Variants in MPDZ observed in about 807,000 individuals in gnomAD.
MPDZ encodes the protein multiple PDZ domain crumbs cell polarity complex component, also known as multiple PDZ domain protein.
A neutral mutation model predicts 239.1 loss-of-function variants in MPDZ; 234 were observed. That is an observed-to-expected ratio of 0.98 (90% CI 0.88 to 1.09). The LOEUF is 1.09. Ranked by LOEUF, MPDZ falls within the 50% of genes least tolerant of loss-of-function variation. The pLI, the probability that MPDZ is intolerant of heterozygous loss-of-function variation, is 0.00. For missense variants in MPDZ, 3,175 were observed against 2,510.0 expected (o/e 1.26, Z -5.66); for synonymous variants, 1,048 against 881.3 (o/e 1.19, Z -3.35).
chr9:13,129,414 G>A (rs1318057329), intron 32 of MPDZ, among the ~76,000 whole-genome samples: 1 of 151,886 alleles, frequency 6.6e-6, no homozygotes, highest in Non-Finnish European at 1.5e-5. Context: ...AGTGAGCCAA[G>A]ATCACACCAC....
Position 13,247,679 on chromosome 9 carries a change from G to C in MPDZ, c.139C>G (p.Gln47Glu). 6.2e-7 allele frequency: 1 copy of C among 1,613,490 alleles called. No individual in the cohort carries two copies. The highest frequency in any genetic ancestry group is 2.2e-5 in the East Asian group (1 of 44,832). The change falls in exon 3 of 47, where the codon CAG becomes GAG. Residue 47 changes from glutamine (Q) to glutamate (E), a missense_variant. Physicochemically the swap from Gln to Glu is conservative, Grantham distance 29 (BLOSUM62 2). Coordinates refer to ENST00000319217, the MANE Select transcript of MPDZ (RefSeq NM_001378778.1). Reference sequence around the variant, plus strand: ...ACAGAAGTCTGAAGGCTCAGAATCTGACTGAAGAGAGGGCTCTGCAGGACT... The same window carrying C: ...ACAGAAGTCTGAAGGCTCAGAATCTCACTGAAGAGAGGGCTCTGCAGGACT... The part of the protein sequence containing the change: ...KSVLQSPLFS[Q>E]ILSLQTSVQQ...
At chr9:13,146,148 C>A (rs1274148185) in intron 26 of MPDZ, among the ~76,000 whole-genome samples, 3 of 152,000 alleles carry the variant, frequency 2.0e-5, no homozygotes, top group Non-Finnish European at 4.4e-5. Context: ...TATTACCTAA[C>A]AATAAACAAC....
chr9:13,248,301 T>G (rs893073786), intron 2 of MPDZ, among the ~76,000 whole-genome samples: 3 of 152,016 alleles, frequency 2.0e-5, no homozygotes, highest in Admixed American at 6.6e-5. Flanking sequence ...ACTGAATACT[T>G]TTTAATATTT....
Position 13,121,879 on chromosome 9 carries a change from C to G in MPDZ, c.5091G>C (p.Leu1697=), listed in dbSNP as rs2131611133. The change falls in exon 38 of 47, where the codon CTG becomes CTC. Residue 1697 remains leucine, a synonymous_variant. Transcript: ENST00000319217. ...GGCGCACTCTCTGTGGCGTCTGTCT[C>G]AGGACATTGATTGCTTCATCATGTG... The part of the protein sequence containing the change: ...KATHDEAINV[L]RQTPQRVRLT... The G allele has an allele frequency of 1.2e-6, 2 of 1,613,908 alleles. No homozygotes were observed. Among genetic ancestry groups the G allele is most frequent in the Non-Finnish European group, 1.7e-6 (2 of 1,179,846 alleles).
intron 3 of MPDZ, among the ~76,000 whole-genome samples, chr9:13,246,473 T>C (rs1311020910): frequency 6.6e-6 from 1 of 152,158 alleles, no homozygotes; most frequent in Non-Finnish European, 1.5e-5. Flanking sequence ...ATCAATCTTT[T>C]CAATAACTTG....
At chr9:13,170,899 A>G (rs1392765367) in intron 21 of MPDZ, among the ~76,000 whole-genome samples, 2 of 152,186 alleles carry the variant, frequency 1.3e-5, no homozygotes, top group Non-Finnish European at 2.9e-5. Flanking sequence ...GGTAATCTCC[A>G]CTAACCAGAT....
chr9:13,161,305 C>T (rs1235028330), intron 23 of MPDZ, among the ~76,000 whole-genome samples: 1 of 152,054 alleles, frequency 6.6e-6, no homozygotes, highest in Non-Finnish European at 1.5e-5. Flanking sequence ...CATGGCGGCT[C>T]ACGCTTATAA....
rs1388512283 is a variant in MPDZ at position 13,145,179 on chromosome 9, A to G, written c.3742-1615T>C. Among the ~76,000 whole-genome samples, 21 of 152,080 alleles carry G rather than the reference A, an allele frequency of 1.4e-4. 1 individual carries two copies. The highest frequency in any genetic ancestry group is 1.5e-5 in the Non-Finnish European group (1 of 68,004). On this transcript the variant is annotated intron_variant, in intron 26 of 46. Transcript: ENST00000319217. ...TGGTAGATTACTCTATTATTAGGAAAAGATATTTAGAAACAGACTATTTCT... is the reference window on the plus strand; with the variant it reads ...TGGTAGATTACTCTATTATTAGGAAGAGATATTTAGAAACAGACTATTTCT...
At chr9:13,165,495 T>A in intron 22 of MPDZ, 2 of 1,486,852 alleles carry the variant, frequency 1.3e-6, no homozygotes, top group Non-Finnish European at 1.8e-6. Flanking sequence ...GATGCATACA[T>A]ATGTAGTTAA....
intron 3 of MPDZ, among the ~76,000 whole-genome samples, chr9:13,236,625 G>A (rs1964117610): frequency 1.3e-5 from 2 of 151,330 alleles, no homozygotes; most frequent in African/African-American, 2.4e-5. Flanking sequence ...CTTTAAGAAG[G>A]CCTAAATGAC....
intron 29 of MPDZ, among the ~76,000 whole-genome samples, chr9:13,137,222 G>A (rs1445143576): frequency 1.3e-5 from 2 of 152,064 alleles, no homozygotes; most frequent in African/African-American, 4.8e-5. Flanking sequence ...CTCAAGCCCT[G>A]GAAATAGGTC....
chr9:13,150,125 T>C (rs1193188222), intron 25 of MPDZ, among the ~76,000 whole-genome samples: 1 of 152,080 alleles, frequency 6.6e-6, no homozygotes, highest in African/African-American at 2.4e-5. Flanking sequence ...TAATTCAAAA[T>C]TTTTCCCTGA....
At chr9:13,174,295 T>C (rs1952172500) in intron 21 of MPDZ, among the ~76,000 whole-genome samples, 1 of 152,180 alleles carries the variant, frequency 6.6e-6, no homozygotes, top group Non-Finnish European at 1.5e-5. Context: ...GCTTACTCTC[T>C]TAAACTTGTG....
At chr9:13,195,312 A>C (rs1250592491) in intron 13 of MPDZ, among the ~76,000 whole-genome samples, 2 of 152,100 alleles carry the variant, frequency 1.3e-5, no homozygotes, top group African/African-American at 2.4e-5. Flanking sequence ...ACAAACAAAA[A>C]GATGATTATG....
chr9:13,214,053 G>T (rs955803658), intron 10 of MPDZ, among the ~76,000 whole-genome samples: 1 of 151,940 alleles, frequency 6.6e-6, no homozygotes, highest in South Asian at 2.1e-4. Flanking sequence ...ATAAGATTCA[G>T]CAATTCCACT....
At chr9:13,115,421 C>CT in intron 39 of MPDZ, 87 bp from the exon 40 acceptor site, 1 of 1,161,008 alleles carries the variant, frequency 8.6e-7, no homozygotes, top group Admixed American at 2.0e-5. Flanking sequence ...CTCTTCAAGA[C>CT]TTTTTTGAAA....
intron 3 of MPDZ, among the ~76,000 whole-genome samples, chr9:13,245,971 C>G (rs1426974838): frequency 6.6e-6 from 1 of 152,158 alleles, no homozygotes; most frequent in Non-Finnish European, 1.5e-5. Flanking sequence ...TGCTAGCACT[C>G]TTTTTGTTTC....
At chr9:13,248,063 C>G (rs1002255838) in intron 2 of MPDZ, among the ~76,000 whole-genome samples, 3 of 151,750 alleles carry the variant, frequency 2.0e-5, no homozygotes, top group Admixed American at 6.6e-5. Context: ...CCCGTTTCTA[C>G]TAAAAATACA....
Position 13,247,621 on chromosome 9 carries a change from G to A in MPDZ, c.183+14C>T. Reference sequence around the variant, plus strand: ...CCATGTCGTGAATGCCTGCTTGGGTGAATGATGTCCTACCTGGTCTTTCAG... The same window carrying A: ...CCATGTCGTGAATGCCTGCTTGGGTAAATGATGTCCTACCTGGTCTTTCAG... On this transcript the variant is annotated intron_variant, in intron 3 of 46. Coordinates refer to ENST00000319217, the MANE Select transcript of MPDZ (RefSeq NM_001378778.1). 1 of 1,600,834 alleles carries A rather than the reference G, an allele frequency of 6.2e-7. No individual in the cohort carries two copies. The highest frequency in any genetic ancestry group is 8.5e-7 in the Non-Finnish European group (1 of 1,169,926).
Sources: gnomAD v4.1 joint callset for allele counts (sites outside exome capture counted in the v4.1 genomes callset) on GRCh38, gnomAD v4.1.1 for gene constraint, MANE v1.5 for transcripts, NCBI Gene and HGNC (gene_info 2026-07-23, HGNC 2026-07-21) for gene names.